The following WAPL variants were observed in gnomAD, a reference collection of about 807,000 sequenced individuals.
WAPL encodes wings apart-like protein homolog.
WAPL carries 5 observed loss-of-function variants against 121.0 expected under a neutral mutation model. The ratio of observed to expected loss-of-function variants is 0.04; its 90% CI spans 0.02 to 0.09. The LOEUF is 0.09. Ranked by LOEUF, WAPL falls within the 10% of genes least tolerant of loss-of-function variation. WAPL has a pLI of 1.00. For synonymous variants in WAPL, 480 were observed against 481.5 expected (o/e 1.00, Z 0.04); for missense variants, 999 against 1,410.8 (o/e 0.71, Z 4.68).
At chr10:86,473,647 A>AT (rs1349784233) in intron 5 of WAPL, among the ~76,000 whole-genome samples, 2 of 152,146 alleles carry the variant, frequency 1.3e-5, no homozygotes, top group Non-Finnish European at 2.9e-5. Context: ...CAAGAGCCTT[A>AT]TTTTTTATGG....
In WAPL at chr10:86,489,726, T is replaced by C. The variant is rs552890100; in HGVS notation, c.1644+7475A>G. Among the ~76,000 whole-genome samples the C allele has an allele frequency of 2.0e-5, 3 of 152,120 alleles. No individual in the cohort carries two copies. In the South Asian group the frequency reaches 6.2e-4, roughly 32 times the overall value. ...TAGTGCTCAGGCTGAAAAACTGTGA[T>C]AGAACAGGAGGAAAACTCCTGCCAC... is the stretch of plus-strand genomic sequence containing the variant. On this transcript the variant is annotated intron_variant, in intron 4 of 18. Coordinates refer to ENST00000298767, the MANE Select transcript of WAPL (RefSeq NM_015045.5).
intron 17 of WAPL, among the ~76,000 whole-genome samples, chr10:86,439,105 G>C (rs1013884407): frequency 6.6e-6 from 1 of 152,032 alleles, no homozygotes; most frequent in Admixed American, 6.6e-5. Context: ...CTCCCAATTC[G>C]ACTTTTGTTA....
At chr10:86,486,509 T>C (rs960873111) in intron 4 of WAPL, among the ~76,000 whole-genome samples, 1 of 152,240 alleles carries the variant, frequency 6.6e-6, no homozygotes, top group African/African-American at 2.4e-5. Context: ...CCATGATTTA[T>C]ACTGATAAAT....
At chr10:86,514,330 G>A (rs1040761321) in intron 2 of WAPL, among the ~76,000 whole-genome samples, 1 of 152,134 alleles carries the variant, frequency 6.6e-6, no homozygotes, top group African/African-American at 2.4e-5. Context: ...ATTAGAGACA[G>A]GATAAGTCTA....
At chr10:86,453,040 A>C (rs1356892953) in intron 14 of WAPL, among the ~76,000 whole-genome samples, 180 bp downstream of exon 14, 2 of 8,278 alleles carry the variant, frequency 2.4e-4, no homozygotes, top group African/African-American at 6.1e-4. Flanking sequence ...AAAAAAAAAA[A>C]AAAAAAAAAA....
At chr10:86,504,732 G>A (rs1433562301) in intron 2 of WAPL, among the ~76,000 whole-genome samples, 1 of 151,900 alleles carries the variant, frequency 6.6e-6, no homozygotes, top group Non-Finnish European at 1.5e-5. Context: ...GGGCACTGTG[G>A]CCAGCGGTTC....
In WAPL at chr10:86,521,701, T is replaced by A. The variant is rs905090046; in HGVS notation, c.-359A>T. The A allele has an allele frequency of 6.5e-6, 3 of 464,244 alleles. No homozygotes were observed. The highest frequency in any genetic ancestry group is 6.2e-5 in the African/African-American group (3 of 48,580). 28.8% of individuals were successfully genotyped at this position (464,244 alleles called of 1,614,324 possible). A position where few individuals can be genotyped will look rare whatever the true frequency, so the allele number is the denominator to read the frequency against. On this transcript the variant is annotated 5_prime_UTR_variant, in exon 1 of 19. Coordinates refer to ENST00000298767, the MANE Select transcript of WAPL (RefSeq NM_015045.5). ...GCCGCTTCCGCCGGTGAATGGTCAG[T>A]GCTGGAGTTTGAACAGGGCCCTGAA...
chr10:86,492,579 G>A (rs1020936399), intron 4 of WAPL, among the ~76,000 whole-genome samples: 14 of 152,114 alleles, frequency 9.2e-5, no homozygotes, highest in Non-Finnish European at 1.6e-4. Flanking sequence ...CAATGCAACC[G>A]GTGAAATAGC....
At chr10:86,489,390 T>C (rs1304491204) in intron 4 of WAPL, among the ~76,000 whole-genome samples, 1 of 152,224 alleles carries the variant, frequency 6.6e-6, no homozygotes, top group Non-Finnish European at 1.5e-5. Flanking sequence ...TTGGTTTTGA[T>C]GGGTATTCTG....
intron 2 of WAPL, among the ~76,000 whole-genome samples, 172 bp downstream of exon 2, chr10:86,517,399 C>T (rs757528679): frequency 3.3e-5 from 5 of 152,196 alleles, no homozygotes; most frequent in Admixed American, 6.5e-5. Context: ...TTTATTTCAA[C>T]CTCCAACTGG....
In WAPL at chr10:86,453,947, T is replaced by G. The variant is rs184856991; in HGVS notation, c.2658-116A>C. 2.4e-4 allele frequency: 231 copies of G among 966,508 alleles called. No individual in the cohort carries two copies. In the African/African-American group the frequency reaches 2.7e-3, roughly 11 times the overall value. The allele number at this position is 966,508 out of a possible 1,614,324, so 59.9% of individuals were successfully genotyped here. ...GAAATTTCACTTTATTTTGGAAAAATCTGATACCTTAAAAAACTTATTCAA... is the reference window on the plus strand; with the variant it reads ...GAAATTTCACTTTATTTTGGAAAAAGCTGATACCTTAAAAAACTTATTCAA... On this transcript the variant is annotated intron_variant, in intron 12 of 18. Coordinates refer to ENST00000298767, the MANE Select transcript of WAPL (RefSeq NM_015045.5).
chr10:86,476,825 T>C (rs1273632083), intron 4 of WAPL, among the ~76,000 whole-genome samples: 5 of 152,114 alleles, frequency 3.3e-5, no homozygotes, highest in African/African-American at 7.2e-5. Flanking sequence ...ATAAAGAATA[T>C]GATAAACAAA....
intron 17 of WAPL, among the ~76,000 whole-genome samples, chr10:86,439,286 T>G (rs1014360301): frequency 3.3e-5 from 5 of 152,232 alleles, no homozygotes; most frequent in Non-Finnish European, 7.3e-5. Context: ...AGTACTCATG[T>G]GCTGAAGATA....
chr10:86,514,903 T>G (rs1003275157), intron 2 of WAPL, among the ~76,000 whole-genome samples: 13 of 152,118 alleles, frequency 8.5e-5, no homozygotes, highest in African/African-American at 3.1e-4. Flanking sequence ...TTTCACCACT[T>G]GCACAGTTTA....
intron 4 of WAPL, among the ~76,000 whole-genome samples, chr10:86,495,205 G>A (rs1842126711): frequency 6.6e-6 from 1 of 152,176 alleles, no homozygotes; most frequent in Non-Finnish European, 1.5e-5. Context: ...CAATACCCAT[G>A]CTGGACCATA....
At chr10:86,505,429 G>A (rs1422067514) in intron 2 of WAPL, among the ~76,000 whole-genome samples, 1 of 148,178 alleles carries the variant, frequency 6.7e-6, no homozygotes, top group Non-Finnish European at 1.5e-5. Flanking sequence ...TGGGACTACA[G>A]GCGCGAGTCA....
At chr10:86,494,853 T>C (rs1281264808) in intron 4 of WAPL, among the ~76,000 whole-genome samples, 2 of 152,204 alleles carry the variant, frequency 1.3e-5, no homozygotes, top group African/African-American at 4.8e-5. Context: ...GGGGTAGTAC[T>C]GTAGAAGAAT....
chr10:86,450,348 A>G (rs1840947516), intron 15 of WAPL, among the ~76,000 whole-genome samples: 1 of 152,110 alleles, frequency 6.6e-6, no homozygotes, highest in Non-Finnish European at 1.5e-5. Flanking sequence ...CAATCCTCTC[A>G]CTTCAGCGTC....
At chr10:86,514,942 AC>A (rs1359389410) in intron 2 of WAPL, among the ~76,000 whole-genome samples, 1 of 152,116 alleles carries the variant, frequency 6.6e-6, no homozygotes, top group African/African-American at 2.4e-5. Flanking sequence ...CACCCACCCC[AC>A]ACTGTAGATT....
Sources: gnomAD v4.1 joint callset for allele counts (sites outside exome capture counted in the v4.1 genomes callset) on GRCh38, gnomAD v4.1.1 for gene constraint, MANE v1.5 for transcripts, NCBI Gene and HGNC (gene_info 2026-07-23, HGNC 2026-07-21) for gene names.